TOP2B: variants seen among roughly 807,000 people sequenced by gnomAD.
The protein encoded by TOP2B is DNA topoisomerase 2-beta.
Under a neutral mutation model 193.5 loss-of-function variants are expected in TOP2B, and 51 were observed. The observed-to-expected ratio is 0.26, with a 90% confidence interval of 0.21 to 0.33. The LOEUF is 0.33. Among genes scored for constraint, TOP2B ranks in the 10% least tolerant of loss-of-function variants. The pLI, the probability that TOP2B is intolerant of heterozygous loss-of-function variation, is 1.00. For synonymous variants in TOP2B, 634 were observed against 635.7 expected (o/e 1.00, Z 0.04); for missense variants, 1,378 against 1,909.3 (o/e 0.72, Z 5.19).
Position 25,604,831 on chromosome 3 carries a change from G to A in TOP2B, c.4418C>T (p.Ser1473Phe). ...KFDSNEEDSA[S>F]VFSPSFGLKQ... Reference sequence around the variant, plus strand: ...CAGACCAAATGATGGTGAAAAAACAGAAGCAGAATCTTCTTCATTACTGTC... The same window carrying A: ...CAGACCAAATGATGGTGAAAAAACAAAAGCAGAATCTTCTTCATTACTGTC... Residue 1473 changes from serine (S) to phenylalanine (F), a missense_variant, in exon 33 of 36, where the codon TCT (serine) becomes TTT (phenylalanine). Ser to Phe is a radical substitution (Grantham distance 155). This residue lies in a region of TOP2B where 556 missense variants were observed against 584.2 expected (regional missense o/e 0.95). Coordinates refer to ENST00000264331, the MANE Select transcript of TOP2B (RefSeq NM_001330700.2). 6 of 1,612,840 alleles carry A rather than the reference G, an allele frequency of 3.7e-6. No homozygotes were observed. The highest frequency in any genetic ancestry group is 5.1e-6 in the Non-Finnish European group (6 of 1,179,356).
intron 32 of TOP2B, among the ~76,000 whole-genome samples, chr3:25,605,827 C>T (rs1215095789): frequency 6.6e-6 from 1 of 152,050 alleles, no homozygotes; most frequent in East Asian, 1.9e-4. Flanking sequence ...GCCTGTCCAC[C>T]TAAATGCTTC....
intron 18 of TOP2B, 81 bp from the exon 19 acceptor site, chr3:25,624,884 T>A: frequency 7.0e-7 from 1 of 1,430,604 alleles, no homozygotes; most frequent in African/African-American, 1.4e-5. Context: ...AAGATACAAT[T>A]TGCTTTTCAA....
At position 25,599,853 on chromosome 3, in the gene TOP2B, T is replaced by C. The variant is rs1259812504; in HGVS notation, c.4616-324A>G. 2.0e-5 allele frequency among the ~76,000 whole-genome samples: 3 copies of C among 152,374 alleles called. No homozygotes were observed. The East Asian group carries it at 5.8e-4, about 29-fold the overall frequency. On this transcript the variant is annotated intron_variant, in intron 34 of 35. Coordinates refer to ENST00000264331, the MANE Select transcript of TOP2B (RefSeq NM_001330700.2). ...AAAAGGAAATATCTTGGAAGAGTAC[T>C]TCTTAAATTACATGGGATTTAAATA...
chr3:25,656,135 G>A (rs1009775450), intron 1 of TOP2B, among the ~76,000 whole-genome samples: 1 of 152,126 alleles, frequency 6.6e-6, no homozygotes, highest in Admixed American at 6.5e-5. Flanking sequence ...TGTGATGAAT[G>A]TGTGACAATA....
chr3:25,604,619 C>T (rs1014231017), intron 33 of TOP2B, 141 bp downstream of exon 33: 57 of 627,986 alleles, frequency 9.1e-5, no homozygotes, highest in South Asian at 8.0e-4. Flanking sequence ...GGCTAGAAAA[C>T]GAGAGGTTCT....
At chr3:25,637,872 A>G (rs548896370) in intron 5 of TOP2B, among the ~76,000 whole-genome samples, 2 of 152,150 alleles carry the variant, frequency 1.3e-5, no homozygotes, top group Admixed American at 6.5e-5. Context: ...GTGCTATGTA[A>G]TAACAAATTT....
At position 25,638,307 on chromosome 3, in the gene TOP2B, T is replaced by C; in HGVS notation, c.399A>G (p.Glu133=). 1.4e-6 allele frequency: 1 copy of C among 727,982 alleles called. No homozygotes were observed. The allele number at this position is 727,982 out of a possible 1,614,324, so 45.1% of individuals were successfully genotyped here. ...TATTCCAAATGCTTATAATGTTAGA[T>C]TCACTGTAAAAAAAAAAAAAAAAAA... The part of the protein sequence containing the change: ...MTCIKVSIDP[E]SNIISIWNNG... Residue 133 remains glutamate (E), a synonymous_variant, in exon 5 of 36, where the codon GAA becomes GAG. Transcript: ENST00000264331.
chr3:25,626,733 T>C (rs780651512), intron 17 of TOP2B, 39 bp downstream of exon 17: 2 of 1,549,242 alleles, frequency 1.3e-6, no homozygotes, highest in Non-Finnish European at 8.8e-7. Flanking sequence ...CTAGTCTCTC[T>C]CTCCTTCTTT....
chr3:25,626,266 T>C (rs1702798512), intron 18 of TOP2B, among the ~76,000 whole-genome samples: 1 of 152,186 alleles, frequency 6.6e-6, no homozygotes, highest in South Asian at 2.1e-4. Flanking sequence ...ATTTTACTTT[T>C]TTAGAAAATC....
At chr3:25,634,793 AAAAAC>A (rs1439028735) in intron 7 of TOP2B, among the ~76,000 whole-genome samples, 9 of 146,364 alleles carry the variant, frequency 6.1e-5, no homozygotes, top group Admixed American at 2.7e-4. Context: ...AAAAAAAAAA[AAAAAC>A]CAAAAAAAGG....
At chr3:25,641,976 G>T (rs1418155701) in intron 4 of TOP2B, among the ~76,000 whole-genome samples, 1 of 151,998 alleles carries the variant, frequency 6.6e-6, no homozygotes, top group Non-Finnish European at 1.5e-5. Flanking sequence ...CCAAACACCA[G>T]TCATGAAAAG....
chr3:25,614,801 A>G (rs1702463199), intron 27 of TOP2B, among the ~76,000 whole-genome samples: 2 of 152,142 alleles, frequency 1.3e-5, no homozygotes, highest in Non-Finnish European at 2.9e-5. Context: ...GGAAAAAACT[A>G]TGTTATAACA....
chr3:25,609,772 G>T (rs1285410650), intron 28 of TOP2B, 60 bp from the exon 29 acceptor site: 2 of 1,405,694 alleles, frequency 1.4e-6, no homozygotes, highest in Non-Finnish European at 1.9e-6. Context: ...ATATTTTAGA[G>T]ATAGTTTCAA....
rs1475009890 is a variant in TOP2B, at chr3:25,630,017, T to C, written c.1689+12A>G. The C allele has an allele frequency of 3.8e-6, 6 of 1,581,092 alleles. No homozygotes were observed. Among genetic ancestry groups the C allele is most frequent in the African/African-American group, 1.4e-5 (1 of 73,318 alleles). ...ACATGAATTTGAAATATGTGGTAAC[T>C]TTAAAACCAACCTGATCGGTCATAA... On this transcript the variant is annotated intron_variant, in intron 13 of 35. Coordinates refer to ENST00000264331, the MANE Select transcript of TOP2B (RefSeq NM_001330700.2).
At position 25,615,533 on chromosome 3, in the gene TOP2B, T is replaced by C; in HGVS notation, c.3405A>G (p.Ser1135=). Residue 1135 remains serine (S), a synonymous_variant, in exon 26 of 36, where the codon TCA becomes TCG. Transcript: ENST00000264331. ...TAAAATCTGGGCCTGAAGGAGTTCCTGAATCGGAGGAACTATCATCATGCT... is the reference window on the plus strand; with the variant it reads ...TAAAATCTGGGCCTGAAGGAGTTCCCGAATCGGAGGAACTATCATCATGCT... ...QNQHDDSSSD[S]GTPSGPDFNY... 1.9e-6 allele frequency: 3 copies of C among 1,576,746 alleles called. No individual in the cohort carries two copies. Among genetic ancestry groups the C allele is most frequent in the Non-Finnish European group, 2.6e-6 (3 of 1,160,860 alleles).
chr3:25,598,513 A>AG (rs1357654056), intron 35 of TOP2B, 36 bp from the exon 36 acceptor site: 1 of 1,501,108 alleles, frequency 6.7e-7, no homozygotes, highest in Non-Finnish European at 8.9e-7. Flanking sequence ...AAGTTATGAA[A>AG]GGAAGTAAAG....
At chr3:25,638,445 T>C (rs1346359364) in intron 4 of TOP2B, 135 bp from the exon 5 acceptor site, 1 of 1,113,500 alleles carries the variant, frequency 9.0e-7, no homozygotes, top group Non-Finnish European at 1.2e-6. Context: ...CTAGTCATTA[T>C]CAATTGGAAG....
Position 25,632,480 on chromosome 3 carries a change from G to C in TOP2B, c.1232C>G (p.Ser411Cys), listed in dbSNP as rs1314805712. 36 of 1,579,706 alleles carry C rather than the reference G, an allele frequency of 2.3e-5. No homozygotes were observed. Among genetic ancestry groups the C allele is most frequent in the Non-Finnish European group, 3.1e-5 (36 of 1,164,130 alleles). ...NMTLQPKSFG[S>C]KCQLSEKFFK... ...AAATTTTTCTGACAGCTGGCATTTA[G>C]ACCCAAAACTTTTGGGCTGCAGAGT... The change falls in exon 10 of 36, where the codon TCT becomes TGT. Residue 411 changes from serine (S) to cysteine (C), a missense_variant. Transcript: ENST00000264331.
At chr3:25,635,817 G>T in intron 7 of TOP2B, 119 bp downstream of exon 7, 1 of 736,240 alleles carries the variant, frequency 1.4e-6, no homozygotes, top group Non-Finnish European at 2.2e-6. Context: ...CACTTTAAAT[G>T]TGAATCATCT....
Sources: gnomAD v4.1 joint callset for allele counts (sites outside exome capture counted in the v4.1 genomes callset) on GRCh38, gnomAD v4.1.1 for gene constraint, gnomAD v4.1.1 regional missense constraint, MANE v1.5 for transcripts, NCBI Gene and HGNC (gene_info 2026-07-23, HGNC 2026-07-21) for gene names.